Variants in PLEKHA7 observed in about 807,000 individuals in gnomAD.
PLEKHA7 encodes pleckstrin homology domain-containing family A member 7.
In PLEKHA7, 104 loss-of-function variants were observed where a neutral mutation model predicts 170.0. The observed-to-expected ratio is 0.61, with a 90% CI of 0.52 to 0.72. PLEKHA7 has a LOEUF of 0.72. PLEKHA7 is among the 30% of genes least tolerant of loss of function. The probability of loss-of-function intolerance (pLI) is 0.00; values close to 1 mark genes in which losing one functional copy is unlikely to be tolerated. For synonymous variants in PLEKHA7, 648 were observed against 660.8 expected (o/e 0.98, Z 0.30); for missense variants, 1,615 against 1,671.7 (o/e 0.97, Z 0.59).
intron 3 of PLEKHA7, among the ~76,000 whole-genome samples, chr11:16,962,385 A>G (rs1862116339): frequency 6.6e-6 from 1 of 152,208 alleles, no homozygotes; most frequent in South Asian, 2.1e-4. Context: ...CGTGGTTATT[A>G]TCTCCACTGT....
intron 3 of PLEKHA7, among the ~76,000 whole-genome samples, chr11:16,934,441 A>G (rs1860149342): frequency 6.6e-6 from 1 of 152,206 alleles, no homozygotes; most frequent in Non-Finnish European, 1.5e-5. Context: ...AGTTCAGCTG[A>G]AATGTCAGGA....
Position 16,855,920 on chromosome 11 carries a change from A to ACAGG in PLEKHA7, c.306-7_306-6insCCTG. On this transcript the variant is annotated splice_polypyrimidine_tract_variant and splice_region_variant and intron_variant, in intron 4 of 26. Coordinates refer to ENST00000531066, the MANE Select transcript of PLEKHA7 (RefSeq NM_001329630.2). ...TCGACATATGTGGATTCGGCCTGTG[A>ACAGG]GGAGACAGGGGATTCCAGTGAGTAA... 6.2e-7 allele frequency: 1 copy of ACAGG among 1,607,132 alleles called. No individual in the cohort carries two copies. Among genetic ancestry groups the ACAGG allele is most frequent in the Non-Finnish European group, 8.5e-7 (1 of 1,173,770 alleles).
intron 12 of PLEKHA7, among the ~76,000 whole-genome samples, chr11:16,814,978 G>A (rs1849640894): frequency 6.6e-6 from 1 of 152,230 alleles, no homozygotes; most frequent in East Asian, 1.9e-4. Flanking sequence ...ACCACATGCA[G>A]CCCCCCTCCC....
intron 3 of PLEKHA7, among the ~76,000 whole-genome samples, chr11:16,915,287 C>G (rs1858556983): frequency 6.6e-6 from 1 of 152,214 alleles, no homozygotes; most frequent in Admixed American, 6.5e-5. Flanking sequence ...TTGACCTGCT[C>G]TAAGTCTAAT....
At chr11:16,992,267 C>A (rs1190371356) in intron 3 of PLEKHA7, among the ~76,000 whole-genome samples, 2 of 152,166 alleles carry the variant, frequency 1.3e-5, no homozygotes, top group African/African-American at 4.8e-5. Flanking sequence ...GGCTCATGGG[C>A]AAATTGCTCC....
intron 4 of PLEKHA7, among the ~76,000 whole-genome samples, chr11:16,864,716 G>A (rs61882018): frequency 0.011 from 1,611 of 152,282 alleles, 17 homozygotes; most frequent in South Asian, 0.033. Context: ...ATGTGACTTT[G>A]CTCCTTATTT....
chr11:16,814,362 G>A (rs985474684), intron 12 of PLEKHA7, among the ~76,000 whole-genome samples: 1 of 152,138 alleles, frequency 6.6e-6, no homozygotes, highest in Non-Finnish European at 1.5e-5. Flanking sequence ...ACAGAACAAG[G>A]AAGGAAGGTA....
chr11:16,901,257 T>C, intron 3 of PLEKHA7, among the ~76,000 whole-genome samples: 1 of 152,182 alleles, frequency 6.6e-6, no homozygotes, highest in Non-Finnish European at 1.5e-5. Flanking sequence ...AAAAAAGCTG[T>C]CTAGGAAAGC....
chr11:16,853,152 C>T (rs1853123529), intron 6 of PLEKHA7, among the ~76,000 whole-genome samples: 1 of 152,044 alleles, frequency 6.6e-6, no homozygotes, highest in South Asian at 2.1e-4. Flanking sequence ...TCAAGACCAG[C>T]CTGGGCAACA....
chr11:16,937,658 G>C lies in PLEKHA7; in HGVS notation c.222-66476C>G, dbSNP rs555431122. On this transcript the variant is annotated intron_variant, in intron 3 of 26. Transcript: ENST00000531066. Reference sequence around the variant, plus strand: ...AGTTTCACTTTTGTTGCCCAAGCTGGGGTGCAATGGCGCCATCTCAGCTCA... The same window carrying C: ...AGTTTCACTTTTGTTGCCCAAGCTGCGGTGCAATGGCGCCATCTCAGCTCA... Among the ~76,000 whole-genome samples, 30 of 151,954 alleles carry C rather than the reference G, an allele frequency of 2.0e-4. 1 individual carries two copies. In the East Asian group the frequency reaches 5.6e-3, roughly 28 times the overall value.
chr11:16,895,552 G>C (rs938791737), intron 3 of PLEKHA7, among the ~76,000 whole-genome samples: 3 of 152,182 alleles, frequency 2.0e-5, no homozygotes, highest in African/African-American at 7.2e-5. Context: ...AGAGCTCAGT[G>C]AATCACTTTT....
At chr11:16,851,168 C>A in intron 8 of PLEKHA7, 23 bp downstream of exon 8, 1 of 1,537,952 alleles carries the variant, frequency 6.5e-7, no homozygotes, top group South Asian at 1.3e-5. Flanking sequence ...AGAATGGCTG[C>A]ATTAGAGGTG....
chr11:16,806,547 G>A (rs931437740), intron 13 of PLEKHA7, among the ~76,000 whole-genome samples: 6 of 152,134 alleles, frequency 3.9e-5, no homozygotes, highest in Admixed American at 1.3e-4. Flanking sequence ...CAGGGCTCAC[G>A]ATGGTTGGAC....
rs201058186 is a variant in PLEKHA7 at position 16,789,752 on chromosome 11, C to T, written c.3156+23G>A. The T allele has an allele frequency of 1.3e-6, 2 of 1,596,052 alleles. No individual in the cohort carries two copies. The highest frequency in any genetic ancestry group is 1.3e-5 in the African/African-American group (1 of 74,642). ...CCCCATGTGAAGGAGCAGGGAGGTC[C>T]TCGACAGCTCAAGGCCACTCACAGG... On this transcript the variant is annotated intron_variant, in intron 22 of 26. Coordinates refer to ENST00000531066, the MANE Select transcript of PLEKHA7 (RefSeq NM_001329630.2). This position sits in a 1 kb window ranked among gnomAD's most constrained non-coding sequence, Gnocchi z 4.6.
chr11:16,793,085 TGAG>T (rs1323098647), intron 19 of PLEKHA7, among the ~76,000 whole-genome samples: 1 of 152,170 alleles, frequency 6.6e-6, no homozygotes, highest in South Asian at 2.1e-4. Flanking sequence ...ATGACCAAGC[TGAG>T]GAGGAGCCTC....
intron 12 of PLEKHA7, among the ~76,000 whole-genome samples, chr11:16,815,919 T>C (rs1378151734): frequency 2.6e-5 from 4 of 152,112 alleles, no homozygotes; most frequent in African/African-American, 9.7e-5. Context: ...CTGAAAAATG[T>C]TTCTGGCAAA....
intron 15 of PLEKHA7, among the ~76,000 whole-genome samples, chr11:16,802,761 T>A (rs1279879684): frequency 6.6e-6 from 1 of 152,180 alleles, no homozygotes; most frequent in African/African-American, 2.4e-5. Context: ...TTGGTCAGGC[T>A]GGTCTCGAAC....
chr11:16,939,973 G>A (rs1158921264), intron 3 of PLEKHA7, among the ~76,000 whole-genome samples: 2 of 152,156 alleles, frequency 1.3e-5, no homozygotes, highest in Non-Finnish European at 2.9e-5. Context: ...CATAGGAAGT[G>A]AGTAAGAAAC....
chr11:16,839,815 G>A (rs1480609604), intron 9 of PLEKHA7, among the ~76,000 whole-genome samples: 1 of 151,968 alleles, frequency 6.6e-6, no homozygotes, highest in Non-Finnish European at 1.5e-5. Flanking sequence ...AGTCCTCCAT[G>A]GATACCAAGG....
Sources: allele counts gnomAD v4.1 joint callset (sites outside exome capture counted in the v4.1 genomes callset), GRCh38; gene constraint gnomAD v4.1.1; non-coding constraint Gnocchi (gnomAD v3.1); transcripts MANE v1.5; gene names NCBI Gene and HGNC (gene_info 2026-07-23, HGNC 2026-07-21).